Variants in TMTC4 observed in about 807,000 individuals in gnomAD.
TMTC4 encodes transmembrane O-mannosyltransferase targeting cadherins 4, also known as protein O-mannosyl-transferase TMTC4.
Under a neutral mutation model 86.0 loss-of-function variants are expected in TMTC4, and 65 were observed. That is an observed-to-expected ratio of 0.76 (90% confidence interval 0.62 to 0.93). TMTC4 has a LOEUF of 0.93. Among genes scored for constraint, TMTC4 ranks in the 40% least tolerant of loss-of-function variants. TMTC4 has a pLI of 0.00. For missense variants in TMTC4, 866 were observed against 948.1 expected, an observed-to-expected ratio of 0.91 and a Z score of 1.14; for synonymous variants, 379 against 382.5, an observed-to-expected ratio of 0.99 and a Z score of 0.11.
intron 15 of TMTC4, among the ~76,000 whole-genome samples, chr13:100,616,074 T>C (rs879245229): frequency 1.3e-5 from 2 of 151,608 alleles, no homozygotes; most frequent in Non-Finnish European, 2.9e-5. Context: ...TTTTTTTTTT[T>C]CGTATGGTTG....
chr13:100,662,503 A>C (rs1404695331), intron 5 of TMTC4, among the ~76,000 whole-genome samples: 2 of 152,102 alleles, frequency 1.3e-5, no homozygotes, highest in Admixed American at 1.3e-4. Flanking sequence ...AAGCATGTTA[A>C]GTCTAAGAAA....
In TMTC4 at chr13:100,604,942, G is replaced by C. The variant is rs1876339701; in HGVS notation, c.*52C>G. 6.3e-7 allele frequency: 1 copy of C among 1,575,688 alleles called. No individual in the cohort carries two copies. Among genetic ancestry groups the C allele is most frequent in the Non-Finnish European group, 8.6e-7 (1 of 1,162,228 alleles). Reference sequence around the variant, plus strand: ...TTAAATGTAACCACATACTATTAATGATATGCCTCATGCACACACACACTC... The same window carrying C: ...TTAAATGTAACCACATACTATTAATCATATGCCTCATGCACACACACACTC... On this transcript the variant is annotated 3_prime_UTR_variant, in exon 19 of 19. Coordinates refer to ENST00000342624, the MANE Select transcript of TMTC4 (RefSeq NM_032813.5).
At chr13:100,667,244 C>G (rs112969704) in intron 3 of TMTC4, among the ~76,000 whole-genome samples, 1 of 152,124 alleles carries the variant, frequency 6.6e-6, no homozygotes, top group Non-Finnish European at 1.5e-5. Context: ...ACCAGCCTGG[C>G]CAACATGGTG....
At position 100,638,067 on chromosome 13, in the gene TMTC4, G is replaced by A. The variant is rs764683675; in HGVS notation, c.742-45C>T. On this transcript the variant is annotated intron_variant, in intron 7 of 18. Transcript: ENST00000342624. The stretch of plus-strand genomic sequence containing the variant: ...CAATCAGCCACGGGAGAGCTTGGCT[G>A]TGTTAGGCAGCAATTACACTTCACA... 27 of 1,484,952 alleles carry A rather than the reference G, an allele frequency of 1.8e-5. No individual in the cohort carries two copies. In the Middle Eastern group the frequency reaches 6.9e-4, roughly 38 times the overall value. The allele number at this position is 1,484,952 out of a possible 1,614,324, so 92.0% of individuals were successfully genotyped here. A position where few individuals can be genotyped will look rare whatever the true frequency, so the allele number is the denominator to read the frequency against.
intron 5 of TMTC4, 74 bp from the exon 6 acceptor site, chr13:100,656,542 C>CA: frequency 1.8e-5 from 7 of 384,132 alleles, no homozygotes; most frequent in Non-Finnish European, 2.9e-5. Context: ...GGAGACATAA[C>CA]TTTTTTTTTT....
intron 5 of TMTC4, 41 bp from the exon 6 acceptor site, chr13:100,656,509 C>A (rs992357496): frequency 3.3e-6 from 4 of 1,202,464 alleles, no homozygotes; most frequent in Non-Finnish European, 4.7e-6. Context: ...ACATAAAACA[C>A]ATTTAAGGAA....
At chr13:100,612,022 G>C (rs1877666646) in intron 17 of TMTC4, among the ~76,000 whole-genome samples, 1 of 152,222 alleles carries the variant, frequency 6.6e-6, no homozygotes, top group Non-Finnish European at 1.5e-5. Context: ...TGTTGTGCTA[G>C]GGTGGGGCTG....
intron 15 of TMTC4, among the ~76,000 whole-genome samples, chr13:100,616,725 T>C (rs1442526697): frequency 1.3e-5 from 2 of 152,234 alleles, no homozygotes; most frequent in African/African-American, 4.8e-5. Context: ...TGGTGTGAGA[T>C]GGTATCTCAA....
At chr13:100,634,568 A>G (rs1890860) in intron 12 of TMTC4, among the ~76,000 whole-genome samples, 128,263 of 151,978 alleles carry the variant, frequency 0.84, 54,850 homozygotes, top group East Asian at 0.99. Context: ...CATTAGAGTC[A>G]TCTGTTTCAT....
At chr13:100,611,086 T>C (rs893825274) in intron 17 of TMTC4, among the ~76,000 whole-genome samples, 1 of 152,252 alleles carries the variant, frequency 6.6e-6, no homozygotes, top group Non-Finnish European at 1.5e-5. Flanking sequence ...AAAATTATAC[T>C]GATAATGACA....
chr13:100,653,622 C>A (rs1463403580), intron 6 of TMTC4, among the ~76,000 whole-genome samples: 1 of 152,160 alleles, frequency 6.6e-6, no homozygotes, highest in Non-Finnish European at 1.5e-5. Context: ...TCTGCGCCTC[C>A]AGGCCTGTGA....
At position 100,668,620 on chromosome 13, in the gene TMTC4, C is replaced by T. The variant is rs1240750303; in HGVS notation, c.178G>A (p.Asp60Asn). 3.1e-6 allele frequency: 5 copies of T among 1,614,064 alleles called. No individual in the cohort carries two copies. The highest frequency in any genetic ancestry group is 3.4e-6 in the Non-Finnish European group (4 of 1,180,052). Reference sequence around the variant, plus strand: ...GCTTCTGAGTCATCAAAGACAAAGTCTCCATCATAGCTGCGTGCAAAACAC... The same window carrying T: ...GCTTCTGAGTCATCAAAGACAAAGTTTCCATCATAGCTGCGTGCAAAACAC... ...IVCFARSYDG[D>N]FVFDDSEAIV... Residue 60 changes from aspartate to asparagine, a missense_variant, in exon 3 of 19, where the codon GAC (aspartate) becomes AAC (asparagine). Physicochemically the swap from Asp to Asn is conservative, Grantham distance 23. Transcript: ENST00000342624.
intron 6 of TMTC4, 81 bp from the exon 7 acceptor site, chr13:100,642,392 C>T: frequency 3.4e-6 from 5 of 1,472,116 alleles, no homozygotes; most frequent in Non-Finnish European, 4.7e-6. Flanking sequence ...AAATTCTAAG[C>T]AAATACCTTA....
chr13:100,628,696 G>C (rs1880903954), intron 12 of TMTC4, among the ~76,000 whole-genome samples: 1 of 152,148 alleles, frequency 6.6e-6, no homozygotes, highest in South Asian at 2.1e-4. Context: ...CAATCTACTA[G>C]GAATTCTCAG....
chr13:100,631,075 C>A (rs924846499), intron 12 of TMTC4, among the ~76,000 whole-genome samples: 1 of 152,216 alleles, frequency 6.6e-6, no homozygotes, highest in Non-Finnish European at 1.5e-5. Flanking sequence ...TAGAGAATGA[C>A]TGACTTTTGT....
intron 6 of TMTC4, among the ~76,000 whole-genome samples, chr13:100,643,452 A>T (rs746024790): frequency 1.3e-5 from 2 of 152,220 alleles, no homozygotes; most frequent in Non-Finnish European, 2.9e-5. Context: ...ACCTCAGGAT[A>T]TATTCGAAAG....
In TMTC4 at chr13:100,605,256, A is replaced by G. The variant is rs548679531; in HGVS notation, c.2135-114T>C. 2 of 1,210,250 alleles carry G rather than the reference A, an allele frequency of 1.7e-6. No homozygotes were observed. The highest frequency in any genetic ancestry group is 4.9e-5 in the Admixed American group (2 of 40,746). The allele number at this position is 1,210,250 out of a possible 1,614,324, so 75.0% of individuals were successfully genotyped here. A position where few individuals can be genotyped will look rare whatever the true frequency, so the allele number is the denominator to read the frequency against. ...CCTATGCAAACAGTTTTCAAAAGTC[A>G]ATTGTATGAAACAATATTGTTTGTA... On this transcript the variant is annotated intron_variant, in intron 18 of 18. Coordinates refer to ENST00000342624, the MANE Select transcript of TMTC4 (RefSeq NM_032813.5). The surrounding 1 kb of genome is among the most constrained non-coding windows in gnomAD (Gnocchi z 4.3).
intron 6 of TMTC4, among the ~76,000 whole-genome samples, chr13:100,646,831 T>C (rs889452874): frequency 3.9e-5 from 6 of 152,236 alleles, no homozygotes; most frequent in Non-Finnish European, 7.3e-5. Flanking sequence ...CCCTGTTAAA[T>C]TACACATAAT....
At chr13:100,607,971 C>T (rs574418955) in intron 17 of TMTC4, among the ~76,000 whole-genome samples, 110 of 152,024 alleles carry the variant, frequency 7.2e-4, no homozygotes, top group African/African-American at 1.6e-3. Flanking sequence ...TGTGTAGTTT[C>T]GCAGTGGTTT....
Sources: gnomAD v4.1 joint callset for allele counts (sites outside exome capture counted in the v4.1 genomes callset) on GRCh38, gnomAD v4.1.1 for gene constraint, Gnocchi (gnomAD v3.1) non-coding constraint, MANE v1.5 for transcripts, NCBI Gene and HGNC (gene_info 2026-07-23, HGNC 2026-07-21) for gene names.